The following CAMK2A variants were observed in gnomAD, a reference collection of about 807,000 sequenced individuals.
CAMK2A encodes calcium/calmodulin-dependent protein kinase type II subunit alpha.
CAMK2A carries 7 observed loss-of-function variants against 79.2 expected under a neutral mutation model. That is an observed-to-expected ratio of 0.09 (90% CI 0.05 to 0.17). The LOEUF (loss-of-function observed/expected upper bound fraction) is 0.17, where lower values mean the gene tolerates loss of function less well. Ranked by LOEUF, CAMK2A falls within the 10% of genes least tolerant of loss-of-function variation. CAMK2A has a pLI of 1.00. For synonymous variants in CAMK2A, 242 were observed against 251.7 expected (o/e 0.96, Z 0.36); for missense variants, 214 against 646.4 (o/e 0.33, Z 7.25).
intron 13 of CAMK2A, among the ~76,000 whole-genome samples, chr5:150,244,838 A>G (rs530353900): frequency 1.3e-5 from 2 of 152,222 alleles, no homozygotes; most frequent in Admixed American, 1.3e-4. Flanking sequence ...CCTCTCTTGC[A>G]CACCAGCTCT....
At chr5:150,274,195 T>A (rs1210976797) in intron 1 of CAMK2A, among the ~76,000 whole-genome samples, 1 of 152,254 alleles carries the variant, frequency 6.6e-6, no homozygotes, top group East Asian at 1.9e-4. Flanking sequence ...CATCTTTTCA[T>A]GTGTTAAGAG....
Position 150,222,304 on chromosome 5 carries a change from A to G in CAMK2A, c.*406T>C, listed in dbSNP as rs908636188. The G allele has an allele frequency of 1.9e-5, 11 of 594,394 alleles. No individual in the cohort carries two copies. Among genetic ancestry groups the G allele is most frequent in the Non-Finnish European group, 3.3e-5 (11 of 332,562 alleles). 36.8% of individuals were successfully genotyped at this position (594,394 alleles called of 1,614,324 possible). On this transcript the variant is annotated 3_prime_UTR_variant, in exon 19 of 19. Coordinates refer to ENST00000671881, the MANE Select transcript of CAMK2A (RefSeq NM_015981.4). Reference sequence around the variant, plus strand: ...CACTGGAAGAGGAGAGGTCTGGGAGAGGGACGGACGGATGCTGCCTTCCTC... The same window carrying G: ...CACTGGAAGAGGAGAGGTCTGGGAGGGGGACGGACGGATGCTGCCTTCCTC...
chr5:150,280,972 ATTG>A (rs2150308894), intron 1 of CAMK2A, among the ~76,000 whole-genome samples: 2 of 152,290 alleles, frequency 1.3e-5, no homozygotes, highest in Admixed American at 1.3e-4. Context: ...GTGTCTGTGC[ATTG>A]TTCTGGGCAA....
intron 15 of CAMK2A, among the ~76,000 whole-genome samples, chr5:150,236,711 G>A (rs1413482029): frequency 6.6e-6 from 1 of 152,196 alleles, no homozygotes; most frequent in Non-Finnish European, 1.5e-5. Context: ...CTCAAATAAG[G>A]GGAACAGCTT....
chr5:150,251,698 A>G (rs1755840758), intron 9 of CAMK2A, 52 bp downstream of exon 9: 12 of 1,395,248 alleles, frequency 8.6e-6, no homozygotes, highest in Non-Finnish European at 1.2e-5. Flanking sequence ...GCTGGCTTTC[A>G]CTGGAAGGGC....
chr5:150,254,206 T>C (rs1755958757), intron 6 of CAMK2A, among the ~76,000 whole-genome samples: 1 of 152,228 alleles, frequency 6.6e-6, no homozygotes, highest in African/African-American at 2.4e-5. Flanking sequence ...GCTCCTGTTG[T>C]TACCTTCATA....
chr5:150,221,193 T>C lies in CAMK2A; in HGVS notation c.*1517A>G. On this transcript the variant is annotated 3_prime_UTR_variant, in exon 19 of 19. Coordinates refer to ENST00000671881, the MANE Select transcript of CAMK2A (RefSeq NM_015981.4). ...TTCTTCTTTTTGTTTGTTTTCAACA[T>C]ACTTACTGCGTATAAAGTCATGCAA... is the stretch of plus-strand genomic sequence containing the variant. 1 of 375,786 alleles carries C rather than the reference T, an allele frequency of 2.7e-6. No individual in the cohort carries two copies. 23.3% of individuals were successfully genotyped at this position (375,786 alleles called of 1,614,324 possible).
rs1214404112 is a variant in CAMK2A, at chr5:150,219,805, T to C, written c.*2905A>G. 1 of 152,326 alleles carries C rather than the reference T, an allele frequency of 6.6e-6. No individual in the cohort carries two copies. Among genetic ancestry groups the C allele is most frequent in the South Asian group, 2.1e-4 (1 of 4,822 alleles). The allele number at this position is 152,326 out of a possible 1,614,324, so 9.4% of individuals were successfully genotyped here. ...TGGGCACAAACCCAGGAGAACACTTTCCTGTAAACGTGTTTTCATGCTGGA... is the reference window on the plus strand; with the variant it reads ...TGGGCACAAACCCAGGAGAACACTTCCCTGTAAACGTGTTTTCATGCTGGA... On this transcript the variant is annotated 3_prime_UTR_variant, in exon 19 of 19. Coordinates refer to ENST00000671881, the MANE Select transcript of CAMK2A (RefSeq NM_015981.4).
At chr5:150,260,345 GCTACTCA>G (rs1756252027) in intron 3 of CAMK2A, among the ~76,000 whole-genome samples, 1 of 151,820 alleles carries the variant, frequency 6.6e-6, no homozygotes, top group African/African-American at 2.4e-5. Flanking sequence ...TGTAGTCCCA[GCTACTCA>G]GGAGGCTGAG....
In CAMK2A at chr5:150,277,113, C is replaced by A. The variant is rs143562773; in HGVS notation, c.63-3954G>T. On this transcript the variant is annotated intron_variant, in intron 1 of 18. Coordinates refer to ENST00000671881, the MANE Select transcript of CAMK2A (RefSeq NM_015981.4). The stretch of plus-strand genomic sequence containing the variant: ...TCTGTGGTCCCAGCTACTCAGAAGG[C>A]TAATGTATGAGGATCACTTAAGTGC... Among the ~76,000 whole-genome samples, 298 of 152,240 alleles carry A rather than the reference C, an allele frequency of 2.0e-3. 1 individual carries two copies. Among genetic ancestry groups the A allele is most frequent in the African/African-American group, 6.7e-3 (280 of 41,536 alleles).
chr5:150,268,657 G>A (rs1056452778), intron 2 of CAMK2A, among the ~76,000 whole-genome samples: 1 of 152,224 alleles, frequency 6.6e-6, no homozygotes, highest in Admixed American at 6.5e-5. Context: ...CCCAGGGCGT[G>A]GCATAGAGCT....
In CAMK2A at chr5:150,250,682, G is replaced by A. The variant is rs1755793145; in HGVS notation, c.816+6C>T. 1 of 1,613,926 alleles carries A rather than the reference G, an allele frequency of 6.2e-7. No individual in the cohort carries two copies. The highest frequency in any genetic ancestry group is 1.1e-5 in the South Asian group (1 of 91,078). On this transcript the variant is annotated splice_donor_region_variant and intron_variant, in intron 10 of 18. Transcript: ENST00000671881. The stretch of plus-strand genomic sequence containing the variant: ...CCTGGGAGAAGTCCTGCTGAGGAAG[G>A]CTCACCGAGATCCAGGGGTGCTTAA...
At chr5:150,222,942 T>G in intron 18 of CAMK2A, 47 bp downstream of exon 18, 1 of 1,563,494 alleles carries the variant, frequency 6.4e-7, no homozygotes, top group Non-Finnish European at 8.8e-7. Flanking sequence ...AGGGCAACAC[T>G]CCCATCCTTT....
In CAMK2A at chr5:150,256,050, G is replaced by T. The variant is rs1580928225; in HGVS notation, c.411+523C>A. Among the ~76,000 whole-genome samples, 1 of 152,188 alleles carries T rather than the reference G, an allele frequency of 6.6e-6. No individual in the cohort carries two copies. Among genetic ancestry groups the T allele is most frequent in the East Asian group, 1.9e-4 (1 of 5,198 alleles). On this transcript the variant is annotated intron_variant, in intron 6 of 18. Coordinates refer to ENST00000671881, the MANE Select transcript of CAMK2A (RefSeq NM_015981.4). The surrounding 1 kb of genome is among the most constrained non-coding windows in gnomAD (Gnocchi z 4.6). ...GGTAAAAGAAAGGAGAACTGCACGGGCCTAGAGTCTGGTTTTTCTTCTCCC... is the reference window on the plus strand; with the variant it reads ...GGTAAAAGAAAGGAGAACTGCACGGTCCTAGAGTCTGGTTTTTCTTCTCCC...
In CAMK2A at chr5:150,285,513, T is replaced by C. The variant is rs570291529; in HGVS notation, c.62+4051A>G. On this transcript the variant is annotated intron_variant, in intron 1 of 18. Coordinates refer to ENST00000671881, the MANE Select transcript of CAMK2A (RefSeq NM_015981.4). The stretch of plus-strand genomic sequence containing the variant: ...TACAGATGTTAGAGTTTGGGTCCCA[T>C]GAGAGGACTTGAGCACCCAGGCCCC... Among the ~76,000 whole-genome samples, 6 of 152,256 alleles carry C rather than the reference T, an allele frequency of 3.9e-5. No individual in the cohort carries two copies. The South Asian group carries it at 1.0e-3, about 26-fold the overall frequency.
intron 1 of CAMK2A, among the ~76,000 whole-genome samples, chr5:150,285,430 C>A (rs905921650): frequency 4.6e-5 from 7 of 152,180 alleles, no homozygotes; most frequent in Admixed American, 2.0e-4. Context: ...CTCTCTCCAA[C>A]GTGACATTGT....
chr5:150,250,985 A>G (rs1755806620), intron 9 of CAMK2A, among the ~76,000 whole-genome samples, 175 bp from the exon 10 acceptor site: 1 of 152,210 alleles, frequency 6.6e-6, no homozygotes, highest in African/African-American at 2.4e-5. Context: ...CCCCATACAA[A>G]TCAGAACACG....
rs931435764 is a variant in CAMK2A, at chr5:150,222,141, A to G, written c.*569T>C. On this transcript the variant is annotated 3_prime_UTR_variant, in exon 19 of 19. Transcript: ENST00000671881. ...CCCACACCGAGGGAAGGGTCAGACC[A>G]CCCTGAGGTCAGCACAGGAGGAAGA... 3.6e-5 allele frequency: 10 copies of G among 279,332 alleles called. No homozygotes were observed. Among genetic ancestry groups the G allele is most frequent in the African/African-American group, 1.9e-4 (9 of 47,086 alleles). 17.3% of individuals were successfully genotyped at this position (279,332 alleles called of 1,614,324 possible).
In CAMK2A at chr5:150,251,880, G is replaced by A. The variant is rs754903369; in HGVS notation, c.599-36C>T. On this transcript the variant is annotated intron_variant, in intron 8 of 18. Coordinates refer to ENST00000671881, the MANE Select transcript of CAMK2A (RefSeq NM_015981.4). ...GACCAGAGAACCTTCAACCCCCTGTGGGGAGGAGACATGGGGGGAGGGGAG... is the reference window on the plus strand; with the variant it reads ...GACCAGAGAACCTTCAACCCCCTGTAGGGAGGAGACATGGGGGGAGGGGAG... 10 of 1,568,050 alleles carry A rather than the reference G, an allele frequency of 6.4e-6. No individual in the cohort carries two copies. In the South Asian group the frequency reaches 1.0e-4, roughly 16 times the overall value.
Sources: allele counts gnomAD v4.1 joint callset (sites outside exome capture counted in the v4.1 genomes callset), GRCh38; gene constraint gnomAD v4.1.1; non-coding constraint Gnocchi (gnomAD v3.1); transcripts MANE v1.5; gene names NCBI Gene and HGNC (gene_info 2026-07-23, HGNC 2026-07-21).